CES5A: variants seen among roughly 807,000 people sequenced by gnomAD.
The protein encoded by CES5A is carboxylesterase 5.
In CES5A, 67 loss-of-function variants were observed where a neutral mutation model predicts 62.9. The observed-to-expected ratio is 1.07, with a 90% CI of 0.88 to 1.31. The LOEUF (loss-of-function observed/expected upper bound fraction) is 1.31, where lower values mean the gene tolerates loss of function less well. Among genes scored for constraint, CES5A ranks in the 50% most tolerant of loss-of-function variants. The probability of loss-of-function intolerance (pLI) is 0.00; values close to 1 mark genes in which losing one functional copy is unlikely to be tolerated. For missense variants in CES5A, 748 were observed against 708.5 expected (o/e 1.06, Z -0.63); for synonymous variants, 296 against 280.8 (o/e 1.05, Z -0.54).
At chr16:55,868,095 C>T (rs1486966278) in intron 4 of CES5A, among the ~76,000 whole-genome samples, 1 of 152,190 alleles carries the variant, frequency 6.6e-6, no homozygotes, top group Non-Finnish European at 1.5e-5. Context: ...CATTCAAGGC[C>T]TTTCCCTATC....
At chr16:55,949,000 T>C (rs956711885) in intron 2 of CES5A, among the ~76,000 whole-genome samples, 1 of 152,166 alleles carries the variant, frequency 6.6e-6, no homozygotes, top group African/African-American at 2.4e-5. Flanking sequence ...CTCCCCATAC[T>C]TTCTGGCTGG....
intron 1 of CES5A, among the ~76,000 whole-genome samples, chr16:55,953,624 A>G (rs1029765074): frequency 7.2e-5 from 11 of 152,138 alleles, no homozygotes; most frequent in African/African-American, 2.7e-4. Flanking sequence ...AAGAGTTAGG[A>G]TGTGAAGGGA....
upstream of CES5A, among the ~76,000 whole-genome samples, chr16:55,877,053 A>G (rs2033704117): frequency 1.3e-5 from 2 of 152,118 alleles, no homozygotes; most frequent in African/African-American, 4.8e-5. Context: ...CCACTTAAGA[A>G]TTCATCCTCC....
intron 1 of CES5A, among the ~76,000 whole-genome samples, chr16:55,883,525 G>T (rs117772992): frequency 6.6e-6 from 1 of 152,068 alleles, no homozygotes; most frequent in South Asian, 2.1e-4. Context: ...CTCCCATCTC[G>T]GCCTCACAGA....
chr16:55,894,151 A>G (rs1213279625), intron 1 of CES5A, among the ~76,000 whole-genome samples: 5 of 152,188 alleles, frequency 3.3e-5, no homozygotes, highest in Non-Finnish European at 7.3e-5. Flanking sequence ...AAATGAAGAC[A>G]AAAATAATAA....
chr16:55,879,363 C>T (rs189833169), upstream of CES5A, among the ~76,000 whole-genome samples: 1 of 152,014 alleles, frequency 6.6e-6, no homozygotes, highest in African/African-American at 2.4e-5. Context: ...ATCACTGTAC[C>T]CCCATTACTG....
chr16:55,909,555 A>T (rs72810532), intron 1 of CES5A, among the ~76,000 whole-genome samples: 22,022 of 136,682 alleles, frequency 0.16, 1,712 homozygotes, highest in Non-Finnish European at 0.2. Context: ...TGAGCATGTG[A>T]GTGCGTGCGC....
intron 1 of CES5A, among the ~76,000 whole-genome samples, chr16:55,914,201 A>G (rs2034122195): frequency 6.6e-6 from 1 of 152,208 alleles, no homozygotes; most frequent in Non-Finnish European, 1.5e-5. Context: ...TACCCTTAAT[A>G]TCACTTTTGT....
At chr16:55,946,952 A>C (rs1216945659) in intron 2 of CES5A, among the ~76,000 whole-genome samples, 7 of 152,214 alleles carry the variant, frequency 4.6e-5, no homozygotes, top group African/African-American at 1.4e-4. Context: ...TGCTGACTTC[A>C]CATCTGCTCA....
At position 55,859,507 on chromosome 16, in the gene CES5A, G is replaced by A. The variant is rs4082238; in HGVS notation, c.1056+40C>T. 1.8e-5 allele frequency: 28 copies of A among 1,597,588 alleles called. No individual in the cohort carries two copies. In the South Asian group the frequency reaches 1.8e-4, roughly 10 times the overall value. On this transcript the variant is annotated intron_variant, in intron 8 of 12. Coordinates refer to ENST00000290567, the MANE Select transcript of CES5A (RefSeq NM_001143685.2). Reference sequence around the variant, plus strand: ...GCTGTTGAAGCCAAAGCTGCATCACGGTTTGAGGGAGTGGCAGTATGGACA... The same window carrying A: ...GCTGTTGAAGCCAAAGCTGCATCACAGTTTGAGGGAGTGGCAGTATGGACA...
chr16:55,869,055 A>T (rs4090478), intron 4 of CES5A, among the ~76,000 whole-genome samples: 1 of 152,212 alleles, frequency 6.6e-6, no homozygotes, highest in East Asian at 1.9e-4. Flanking sequence ...ATTCGAGAAG[A>T]CCTGGGGTGA....
chr16:55,912,707 A>G (rs1350790809), intron 1 of CES5A, among the ~76,000 whole-genome samples: 1 of 152,154 alleles, frequency 6.6e-6, no homozygotes, highest in Non-Finnish European at 1.5e-5. Flanking sequence ...CAAATCCTCT[A>G]CTTTGGCTAT....
At position 55,849,646 on chromosome 16, in the gene CES5A, C is replaced by T. The variant is rs762108955; in HGVS notation, c.1401G>A (p.Leu467=). 1.2e-6 allele frequency: 2 copies of T among 1,613,846 alleles called. No homozygotes were observed. The highest frequency in any genetic ancestry group is 1.1e-5 in the South Asian group (1 of 91,086). ...EVRFVFGGAF[L]KGDIVMFEGA... is the part of the protein sequence containing the mutation. ...TACCGAACATAACAATGTCCCCCTT[C>T]AGGAAGGCACCACCGAACACAAAGC... The change falls in exon 11 of 13, where the codon CTG becomes CTA. Residue 467 remains leucine (L), a synonymous_variant. Coordinates refer to ENST00000290567, the MANE Select transcript of CES5A (RefSeq NM_001143685.2).
At position 55,875,242 on chromosome 16, in the gene CES5A, T is replaced by C. The variant is rs1279384962; in HGVS notation, c.-21A>G. On this transcript the variant is annotated 5_prime_UTR_variant, in exon 1 of 13. Transcript: ENST00000290567. The stretch of plus-strand genomic sequence containing the variant: ...CTCATTTGGCTGCCTGCCTGCACTC[T>C]GTGAACATTGACGGCGGCTGCTGGC... 1 of 1,609,714 alleles carries C rather than the reference T, an allele frequency of 6.2e-7. No individual in the cohort carries two copies. Among genetic ancestry groups the C allele is most frequent in the Admixed American group, 1.7e-5 (1 of 59,100 alleles).
chr16:55,855,738 G>T (rs1167646356), intron 9 of CES5A, among the ~76,000 whole-genome samples: 2 of 152,216 alleles, frequency 1.3e-5, no homozygotes, highest in African/African-American at 4.8e-5. Context: ...TGGTTCGGCT[G>T]CTGGGTGGGT....
chr16:55,858,639 AC>A (rs1312740114), intron 8 of CES5A, among the ~76,000 whole-genome samples: 2 of 152,246 alleles, frequency 1.3e-5, no homozygotes, highest in Non-Finnish European at 2.9e-5. Context: ...CTGGTTCTAG[AC>A]AGCCAACAAC....
intron 9 of CES5A, among the ~76,000 whole-genome samples, chr16:55,854,566 G>C (rs1447487480): frequency 9.9e-5 from 1 of 10,122 alleles, no homozygotes. Context: ...TTGAGACAGA[G>C]TCTCTCGCTC....
At chr16:55,886,404 T>A (rs1040367741) in intron 1 of CES5A, among the ~76,000 whole-genome samples, 1 of 152,156 alleles carries the variant, frequency 6.6e-6, no homozygotes, top group Non-Finnish European at 1.5e-5. Context: ...AGTGTGTAGA[T>A]CTTTGTGTTT....
chr16:55,882,980 CTG>C lies in CES5A; in HGVS notation c.-255-8945_-255-8944del, dbSNP rs547432933. Among the ~76,000 whole-genome samples, 769 of 152,302 alleles carry C rather than the reference CTG, an allele frequency of 5.0e-3. 6 individuals carry two copies. Among genetic ancestry groups the C allele is most frequent in the Non-Finnish European group, 7.3e-3 (494 of 68,020 alleles). The stretch of plus-strand genomic sequence containing the variant: ...TTGTGAGAGGCAGCTAACCCTGTAA[CTG>C]AATATTTTTCATCCCATGTAGATGC... On this transcript the variant is annotated intron_variant, in intron 1 of 12. Transcript: ENST00000518005.
Sources: gnomAD v4.1 joint callset for allele counts (sites outside exome capture counted in the v4.1 genomes callset) on GRCh38, gnomAD v4.1.1 for gene constraint, MANE v1.5 for transcripts, NCBI Gene and HGNC (gene_info 2026-07-23, HGNC 2026-07-21) for gene names.